The following PGR variants were observed in gnomAD, a reference collection of about 807,000 sequenced individuals.
PGR encodes nuclear receptor subfamily 3 group C member 3.
Under a neutral mutation model 76.1 loss-of-function variants are expected in PGR, and 25 were observed. The ratio of observed to expected loss-of-function variants is 0.33; its 90% CI spans 0.24 to 0.46. The LOEUF (loss-of-function observed/expected upper bound fraction) is 0.46. PGR is among the 20% of genes least tolerant of loss of function. The pLI is 1.00. For synonymous variants in PGR, 579 were observed against 535.0 expected (o/e 1.08, Z -1.14); for missense variants, 1,172 against 1,225.3 (o/e 0.96, Z 0.65).
At chr11:101,075,033 A>C (rs1467290119) in intron 3 of PGR, among the ~76,000 whole-genome samples, 1 of 152,230 alleles carries the variant, frequency 6.6e-6, no homozygotes, top group East Asian at 1.9e-4. Flanking sequence ...CTAAGCAAAA[A>C]GAACAAAGCT....
intron 3 of PGR, chr11:101,063,350 T>TA (rs1389246717): frequency 6.6e-6 from 1 of 152,356 alleles, no homozygotes; most frequent in Non-Finnish European, 1.5e-5. Flanking sequence ...AAATTAATAA[T>TA]CCTTTTTCTA....
intron 2 of PGR, among the ~76,000 whole-genome samples, chr11:101,095,628 G>A (rs1011772200): frequency 4.6e-5 from 7 of 152,170 alleles, no homozygotes; most frequent in African/African-American, 1.7e-4. Context: ...TACTGTTTAA[G>A]TGTGAATGTC....
At chr11:101,083,734 A>C (rs1040481202) in intron 3 of PGR, among the ~76,000 whole-genome samples, 9 of 152,226 alleles carry the variant, frequency 5.9e-5, no homozygotes, top group African/African-American at 2.2e-4. Flanking sequence ...TCCCATTTAA[A>C]ATGGGAGTAT....
intron 3 of PGR, among the ~76,000 whole-genome samples, chr11:101,073,627 A>C (rs1861021595): frequency 6.6e-6 from 1 of 152,184 alleles, no homozygotes; most frequent in Admixed American, 6.5e-5. Flanking sequence ...AAGTAGACAC[A>C]ATAAAAAATG....
chr11:101,039,437 T>C (rs746016682), intron 7 of PGR, among the ~76,000 whole-genome samples, 166 bp from the exon 8 acceptor site: 1 of 151,994 alleles, frequency 6.6e-6, no homozygotes, highest in East Asian at 1.9e-4. Context: ...TAGAATAATA[T>C]GTAAAATGTT....
intron 2 of PGR, among the ~76,000 whole-genome samples, chr11:101,108,248 T>TAAAAAAAAAA (rs550121348): frequency 8.7e-6 from 1 of 115,418 alleles, no homozygotes. Flanking sequence ...AGACTCCGTC[T>TAAAAAAAAAA]AAAAAAAAAA....
chr11:101,088,339 T>TG (rs1373475622), intron 3 of PGR, among the ~76,000 whole-genome samples: 1 of 151,960 alleles, frequency 6.6e-6, no homozygotes, highest in Non-Finnish European at 1.5e-5. Context: ...CAAAAGACAT[T>TG]TTTTTTTCTT....
rs142690933 is a variant in PGR at position 101,046,113 on chromosome 11, T to TTTTA, written c.2488+3812_2488+3815dup. 5.7e-4 allele frequency among the ~76,000 whole-genome samples: 84 copies of TTTTA among 146,980 alleles called. 1 individual carries two copies. The highest frequency in any genetic ancestry group is 2.0e-4 in the Admixed American group (3 of 14,800). Reference sequence around the variant, plus strand: ...TAAGATTTTAGTGTAATTTATTTATTTTTATTTATTTATTTATTTATTTTT... The same window carrying TTTTA: ...TAAGATTTTAGTGTAATTTATTTATTTTTATTTATTTATTTATTTATTTATTTTT... On this transcript the variant is annotated intron_variant, in intron 6 of 7. Transcript: ENST00000325455.
intron 3 of PGR, among the ~76,000 whole-genome samples, chr11:101,087,432 C>A (rs947164838): frequency 2.7e-4 from 41 of 152,240 alleles, no homozygotes; most frequent in Non-Finnish European, 4.9e-4. Flanking sequence ...AAAATTACCT[C>A]AAGGTAGATT....
At chr11:101,050,958 A>C (rs190711533) in intron 5 of PGR, 1 of 248,956 alleles carries the variant, frequency 4.0e-6, no homozygotes, top group South Asian at 4.4e-5. Context: ...CCATGAAAAG[A>C]TTCTTATTCA....
At chr11:101,072,309 C>T (rs891975149) in intron 3 of PGR, among the ~76,000 whole-genome samples, 1 of 152,134 alleles carries the variant, frequency 6.6e-6, no homozygotes, top group African/African-American at 2.4e-5. Context: ...GCCTGCCTTA[C>T]AAGAGCTCCT....
At chr11:101,118,350 ATTT>A (rs1286356297) in intron 2 of PGR, among the ~76,000 whole-genome samples, 1 of 152,162 alleles carries the variant, frequency 6.6e-6, no homozygotes, top group East Asian at 1.9e-4. Context: ...TTACCCTTTA[ATTT>A]TTATATTTCG....
intron 2 of PGR, among the ~76,000 whole-genome samples, chr11:101,107,877 AAAAG>A (rs1368820453): frequency 2.7e-5 from 4 of 145,842 alleles, no homozygotes; most frequent in East Asian, 3.9e-4. Flanking sequence ...AAAAAAAAAA[AAAAG>A]AAAGAAAAAG....
At position 101,037,993 on chromosome 11, in the gene PGR, A is replaced by G. The variant is rs1481554768; in HGVS notation, c.*1123T>C. 2 of 210,132 alleles carry G rather than the reference A, an allele frequency of 9.5e-6. No individual in the cohort carries two copies. The highest frequency in any genetic ancestry group is 1.9e-5 in the Non-Finnish European group (2 of 103,284). The allele number at this position is 210,132 out of a possible 1,614,324, so 13.0% of individuals were successfully genotyped here. On this transcript the variant is annotated 3_prime_UTR_variant, in exon 8 of 8. Transcript: ENST00000325455. Reference sequence around the variant, plus strand: ...AATTACTGCTTGGAAGACTCAGGGAAGATTTTACAGAAATGACATTTGGCT... The same window carrying G: ...AATTACTGCTTGGAAGACTCAGGGAGGATTTTACAGAAATGACATTTGGCT...
chr11:101,126,882 T>C (rs1862854894), intron 1 of PGR: 1 of 152,674 alleles, frequency 6.5e-6, no homozygotes, highest in African/African-American at 2.4e-5. Context: ...CTTGAGATTC[T>C]TAAGAAAACT....
chr11:101,095,667 T>C (rs116590056), intron 2 of PGR, among the ~76,000 whole-genome samples: 10 of 152,314 alleles, frequency 6.6e-5, no homozygotes, highest in African/African-American at 2.4e-4. Context: ...CTAGATGACA[T>C]TTGGCAATTA....
At chr11:101,046,072 TA>T (rs1859866100) in intron 6 of PGR, among the ~76,000 whole-genome samples, 1 of 151,688 alleles carries the variant, frequency 6.6e-6, no homozygotes, top group Admixed American at 6.6e-5. Context: ...TAATTTTTCA[TA>T]GTAAATCCCT....
At position 101,033,699 on chromosome 11, in the gene PGR, A is replaced by G. The variant is rs1292629635; in HGVS notation, c.*5417T>C. 4.9e-6 allele frequency: 1 copy of G among 202,810 alleles called. No individual in the cohort carries two copies. The highest frequency in any genetic ancestry group is 1.0e-5 in the Non-Finnish European group (1 of 98,826). 12.6% of individuals were successfully genotyped at this position (202,810 alleles called of 1,614,324 possible). A position where few individuals can be genotyped will look rare whatever the true frequency, so the allele number is the denominator to read the frequency against. On this transcript the variant is annotated 3_prime_UTR_variant, in exon 8 of 8. Transcript: ENST00000325455. ...AAGGTATAGACTTTTCTGGGGGAGG[A>G]GAAAATAAAAGGTATTTTTAGTGGC...
At chr11:101,056,695 ATC>A (rs1799503775) in intron 4 of PGR, among the ~76,000 whole-genome samples, 1 of 151,722 alleles carries the variant, frequency 6.6e-6, no homozygotes, top group Non-Finnish European at 1.5e-5. Flanking sequence ...AAGTTCCCCA[ATC>A]TTACTCCCAG....
Sources: allele counts gnomAD v4.1 joint callset (sites outside exome capture counted in the v4.1 genomes callset), GRCh38; gene constraint gnomAD v4.1.1; transcripts MANE v1.5; gene names NCBI Gene and HGNC (gene_info 2026-07-23, HGNC 2026-07-21).